Variants in TMEM229B observed in about 807,000 individuals in gnomAD.
TMEM229B encodes chromosome 14 open reading frame 83.
A neutral mutation model predicts 13.7 loss-of-function variants in TMEM229B; 6 were observed. The ratio of observed to expected loss-of-function variants is 0.44; its 90% CI spans 0.24 to 0.86. TMEM229B has a LOEUF of 0.86. Among genes scored for constraint, TMEM229B ranks in the 40% least tolerant of loss-of-function variants. The pLI, the probability that TMEM229B is intolerant of heterozygous loss-of-function variation, is 0.23. For synonymous variants in TMEM229B, 107 were observed against 102.1 expected (o/e 1.05, Z -0.29); for missense variants, 170 against 236.0 (o/e 0.72, Z 1.83).
At chr14:67,486,827 G>A (rs746547630) in intron 2 of TMEM229B, among the ~76,000 whole-genome samples, 173 bp downstream of exon 2, 34 of 152,302 alleles carry the variant, frequency 2.2e-4, no homozygotes, top group Non-Finnish European at 2.2e-4. Flanking sequence ...GACGGCTCCC[G>A]CATGTGATGG....
chr14:67,497,009 G>T (rs1366416329), intron 1 of TMEM229B, among the ~76,000 whole-genome samples: 1 of 151,838 alleles, frequency 6.6e-6, no homozygotes, highest in Non-Finnish European at 1.5e-5. Context: ...TGTTGGCCAG[G>T]CTGGTCTCCT....
chr14:67,512,040 T>C (rs1051529694), intron 1 of TMEM229B, among the ~76,000 whole-genome samples: 3 of 152,240 alleles, frequency 2.0e-5, no homozygotes, highest in South Asian at 2.1e-4. Flanking sequence ...CTGGTACTGA[T>C]GTAAATTCTG....
At chr14:67,494,561 C>T (rs750151722) in intron 1 of TMEM229B, among the ~76,000 whole-genome samples, 9 of 152,156 alleles carry the variant, frequency 5.9e-5, no homozygotes, top group Admixed American at 3.9e-4. Context: ...CCAGGCCAAT[C>T]GGCCCCGCCC....
At chr14:67,528,570 T>C (rs548956959) in intron 1 of TMEM229B, among the ~76,000 whole-genome samples, 3 of 152,320 alleles carry the variant, frequency 2.0e-5, no homozygotes, top group South Asian at 4.1e-4. Flanking sequence ...TAAAATGATC[T>C]AGAATTGCAG....
chr14:67,495,492 T>C lies in TMEM229B; in HGVS notation c.-191-8320A>G, dbSNP rs551489770. On this transcript the variant is annotated intron_variant, in intron 1 of 2. Transcript: ENST00000357461. ...TTAAATCACAGCCTTCTGGATTTTTTTTTTTTTCAGATGGAGTTTCACTCT... is the reference window on the plus strand; with the variant it reads ...TTAAATCACAGCCTTCTGGATTTTTCTTTTTTTCAGATGGAGTTTCACTCT... 3.3e-5 allele frequency among the ~76,000 whole-genome samples: 5 copies of C among 152,272 alleles called. No individual in the cohort carries two copies. In the South Asian group the frequency reaches 1.0e-3, roughly 32 times the overall value.
chr14:67,517,505 T>G (rs1021998956), upstream of TMEM229B, among the ~76,000 whole-genome samples: 1 of 152,280 alleles, frequency 6.6e-6, no homozygotes, highest in African/African-American at 2.4e-5. Context: ...ATATATAATA[T>G]TAATATTTTC....
At chr14:67,530,068 T>C (rs1022484860) in intron 1 of TMEM229B, among the ~76,000 whole-genome samples, 1 of 152,174 alleles carries the variant, frequency 6.6e-6, no homozygotes, top group Non-Finnish European at 1.5e-5. Context: ...TGTCAACCAT[T>C]TCACCAGCTC....
At chr14:67,497,232 G>A (rs186667388) in intron 1 of TMEM229B, among the ~76,000 whole-genome samples, 146 of 152,294 alleles carry the variant, frequency 9.6e-4, no homozygotes, top group African/African-American at 3.3e-3. Context: ...TCACGGGAGG[G>A]CAGCACAGTG....
At chr14:67,509,340 C>T (rs2004555) in intron 1 of TMEM229B, among the ~76,000 whole-genome samples, 94,248 of 150,960 alleles carry the variant, frequency 0.62, 31,415 homozygotes, top group Non-Finnish European at 0.76. Flanking sequence ...TTTTTTGAGA[C>T]GGAGTTTCAC....
At chr14:67,476,650 A>AT (rs1305278739) in intron 2 of TMEM229B, among the ~76,000 whole-genome samples, 1 of 152,128 alleles carries the variant, frequency 6.6e-6, no homozygotes, top group East Asian at 1.9e-4. Flanking sequence ...TTTTACTCCC[A>AT]TTTTTTTGCA....
intron 1 of TMEM229B, among the ~76,000 whole-genome samples, chr14:67,524,483 G>A (rs2033337474): frequency 6.6e-6 from 1 of 152,164 alleles, no homozygotes; most frequent in Non-Finnish European, 1.5e-5. Flanking sequence ...AAGGAACACA[G>A]GCTTAGGACT....
chr14:67,490,191 C>T (rs2032110402), upstream of TMEM229B, among the ~76,000 whole-genome samples: 1 of 152,054 alleles, frequency 6.6e-6, no homozygotes, highest in Non-Finnish European at 1.5e-5. Context: ...ATTTATAGGC[C>T]ACCATCACAG....
chr14:67,481,980 CAGG>C (rs1479107987), intron 2 of TMEM229B, among the ~76,000 whole-genome samples: 6 of 152,288 alleles, frequency 3.9e-5, no homozygotes, highest in African/African-American at 1.4e-4. Flanking sequence ...AGGTTGAATG[CAGG>C]AGGACAGAGT....
At chr14:67,494,239 T>A (rs187914169) in intron 1 of TMEM229B, among the ~76,000 whole-genome samples, 1 of 152,214 alleles carries the variant, frequency 6.6e-6, no homozygotes, top group Admixed American at 6.5e-5. Flanking sequence ...TCATTAACCA[T>A]GTAATTAGAC....
chr14:67,517,436 G>T (rs1028726678), upstream of TMEM229B, among the ~76,000 whole-genome samples: 2 of 152,300 alleles, frequency 1.3e-5, no homozygotes, highest in African/African-American at 4.8e-5. Flanking sequence ...AAAAATGTAT[G>T]AATTTCTTTT....
chr14:67,518,111 T>C (rs1247530084), upstream of TMEM229B, among the ~76,000 whole-genome samples: 2 of 152,160 alleles, frequency 1.3e-5, no homozygotes, highest in Non-Finnish European at 2.9e-5. Flanking sequence ...GTGATTCAAG[T>C]ACAGGGTGAA....
intron 1 of TMEM229B, among the ~76,000 whole-genome samples, chr14:67,508,657 G>T (rs1255766042): frequency 1.3e-5 from 2 of 149,230 alleles, no homozygotes; most frequent in African/African-American, 4.9e-5. Context: ...GAGGCTAGAG[G>T]ATCCCTTGAG....
At chr14:67,504,769 C>T (rs554224622) in intron 1 of TMEM229B, among the ~76,000 whole-genome samples, 1 of 152,170 alleles carries the variant, frequency 6.6e-6, no homozygotes, top group Non-Finnish European at 1.5e-5. Context: ...CCCATAATCC[C>T]AGCTACTCGG....
intron 2 of TMEM229B, among the ~76,000 whole-genome samples, chr14:67,485,641 G>A (rs967523969): frequency 1.3e-5 from 2 of 152,188 alleles, no homozygotes; most frequent in Admixed American, 6.5e-5. Context: ...CCAGGCTACG[G>A]GCCCTGCACA....
Sources: allele counts gnomAD v4.1 joint callset (sites outside exome capture counted in the v4.1 genomes callset), GRCh38; gene constraint gnomAD v4.1.1; transcripts MANE v1.5; gene names NCBI Gene and HGNC (gene_info 2026-07-23, HGNC 2026-07-21).